SNX8: variants seen among roughly 807,000 people sequenced by gnomAD.
SNX8 encodes sorting nexin 8, also known as sorting nexin-8.
SNX8 carries 25 observed loss-of-function variants against 51.6 expected under a neutral mutation model. The observed-to-expected ratio is 0.48, with a 90% CI of 0.35 to 0.68. SNX8 has a LOEUF of 0.68. Ranked by LOEUF, SNX8 falls within the 30% of genes least tolerant of loss-of-function variation. The pLI is 0.00. For synonymous variants in SNX8, 324 were observed against 277.0 expected (o/e 1.17, Z -1.68); for missense variants, 695 against 624.0 (o/e 1.11, Z -1.21).
At chr7:2,262,260 G>A (rs905280720) in intron 7 of SNX8, among the ~76,000 whole-genome samples, 8 of 152,114 alleles carry the variant, frequency 5.3e-5, no homozygotes, top group African/African-American at 1.9e-4. Flanking sequence ...GGGTGGTCCT[G>A]AACTCCTGGG....
chr7:2,325,040 C>G (rs1778598952), intron 1 of SNX8, among the ~76,000 whole-genome samples: 1 of 152,178 alleles, frequency 6.6e-6, no homozygotes, highest in Admixed American at 6.6e-5. Flanking sequence ...CACTGTATTG[C>G]CCAGGCCAGT....
At chr7:2,347,027 C>T (rs1044360497) in intron 1 of SNX8, among the ~76,000 whole-genome samples, 5 of 151,804 alleles carry the variant, frequency 3.3e-5, no homozygotes, top group African/African-American at 1.2e-4. Context: ...CATCATAGGG[C>T]AGAAAGTCAA....
At chr7:2,340,753 A>G (rs1357961295) in intron 1 of SNX8, among the ~76,000 whole-genome samples, 1 of 141,196 alleles carries the variant, frequency 7.1e-6, no homozygotes, top group East Asian at 2.3e-4. Flanking sequence ...GCTACTCAGG[A>G]GGCTGTAGCA....
At chr7:2,296,774 AC>A (rs1346613731) in intron 1 of SNX8, among the ~76,000 whole-genome samples, 1 of 151,714 alleles carries the variant, frequency 6.6e-6, no homozygotes, top group Non-Finnish European at 1.5e-5. Context: ...CTACAAAAAT[AC>A]AAAAATTAGC....
intron 1 of SNX8, among the ~76,000 whole-genome samples, chr7:2,334,272 G>A (rs572622068): frequency 6.6e-5 from 10 of 152,122 alleles, no homozygotes; most frequent in East Asian, 1.9e-4. Flanking sequence ...GCGTGGTGGC[G>A]GGCACCTGTA....
At chr7:2,304,310 C>T (rs6971054) in intron 1 of SNX8, among the ~76,000 whole-genome samples, 6 of 151,988 alleles carry the variant, frequency 3.9e-5, no homozygotes, top group Admixed American at 1.3e-4. Context: ...TTTGGGAGGC[C>T]AAGGTGGGCA....
intron 1 of SNX8, among the ~76,000 whole-genome samples, chr7:2,303,533 G>C (rs1279832796): frequency 6.6e-6 from 1 of 152,250 alleles, no homozygotes; most frequent in Non-Finnish European, 1.5e-5. Flanking sequence ...GTGGGGAAAA[G>C]ATTGAGAAAT....
At chr7:2,335,116 A>G (rs1778802878) in intron 1 of SNX8, among the ~76,000 whole-genome samples, 1 of 151,306 alleles carries the variant, frequency 6.6e-6, no homozygotes, top group African/African-American at 2.4e-5. Context: ...TAACCATTTG[A>G]ACCCTGAAGG....
At chr7:2,320,287 G>A (rs1385809966) in intron 1 of SNX8, among the ~76,000 whole-genome samples, 3 of 152,008 alleles carry the variant, frequency 2.0e-5, no homozygotes, top group South Asian at 2.1e-4. Flanking sequence ...CCTGGGAGGC[G>A]GAGGTTGTGG....
intron 1 of SNX8, among the ~76,000 whole-genome samples, chr7:2,329,994 C>T (rs949766205): frequency 2.3e-5 from 3 of 129,708 alleles, no homozygotes; most frequent in African/African-American, 8.6e-5. Context: ...GCCACCACGG[C>T]TAATTTTTGT....
upstream of SNX8, among the ~76,000 whole-genome samples, chr7:2,318,335 G>A (rs548145345): frequency 3.3e-5 from 5 of 151,798 alleles, no homozygotes; most frequent in African/African-American, 1.2e-4. Flanking sequence ...CAGATCACCT[G>A]AGGTCAGGAG....
chr7:2,264,232 G>C (rs1795407158), intron 6 of SNX8, 66 bp downstream of exon 6: 1 of 1,486,834 alleles, frequency 6.7e-7, no homozygotes, highest in Admixed American at 1.8e-5. Context: ...TTCCGCCCAA[G>C]CCCTTCACCA....
intron 1 of SNX8, among the ~76,000 whole-genome samples, chr7:2,304,379 C>G (rs1796497634): frequency 7.3e-6 from 1 of 137,386 alleles, no homozygotes; most frequent in Admixed American, 7.3e-5. Flanking sequence ...CCCATCTCCA[C>G]TAAAAATACA....
At chr7:2,257,633 G>A in intron 8 of SNX8, 102 bp downstream of exon 8, 1 of 1,559,622 alleles carries the variant, frequency 6.4e-7, no homozygotes, top group Non-Finnish European at 8.8e-7. Flanking sequence ...TGCAGCCCTG[G>A]CTTCTCAGCT....
chr7:2,301,127 T>C (rs1796381024), intron 1 of SNX8, among the ~76,000 whole-genome samples: 2 of 152,216 alleles, frequency 1.3e-5, no homozygotes, highest in African/African-American at 4.8e-5. Flanking sequence ...TCTAGGGTGT[T>C]ATTTATGAGA....
chr7:2,346,457 A>T (rs1343488704), intron 1 of SNX8, among the ~76,000 whole-genome samples: 2 of 151,146 alleles, frequency 1.3e-5, no homozygotes, highest in Non-Finnish European at 2.9e-5. Context: ...GAAAAAAAAA[A>T]GGTGAGGCAG....
chr7:2,317,722 C>A (rs922281613), upstream of SNX8, among the ~76,000 whole-genome samples: 1 of 152,080 alleles, frequency 6.6e-6, no homozygotes, highest in Non-Finnish European at 1.5e-5. Flanking sequence ...GACCCTGCCT[C>A]GGTAACAGAT....
rs1391049873 is a variant in SNX8, at chr7:2,327,375, G to A, written c.-66+26847C>T. The stretch of plus-strand genomic sequence containing the variant: ...CTGCCTAAGCCTCCCAAGTAGCTGG[G>A]ACTACAGGCGCCCACCACCATGCCT... On this transcript the variant is annotated intron_variant, in intron 1 of 5. Coordinates refer to the SNX8 transcript ENST00000435336. Among the ~76,000 whole-genome samples, 4 of 151,710 alleles carry A rather than the reference G, an allele frequency of 2.6e-5. No individual in the cohort carries two copies. In the East Asian group the frequency reaches 7.7e-4, roughly 29 times the overall value.
intron 10 of SNX8, 57 bp downstream of exon 10, chr7:2,256,817 G>A (rs906460907): frequency 6.4e-7 from 1 of 1,561,130 alleles, no homozygotes; most frequent in African/African-American, 1.4e-5. Context: ...TGAAGGAAGG[G>A]CGGAGGGACA....
Sources: gnomAD v4.1 joint callset for allele counts (sites outside exome capture counted in the v4.1 genomes callset) on GRCh38, gnomAD v4.1.1 for gene constraint, MANE v1.5 for transcripts, NCBI Gene and HGNC (gene_info 2026-07-23, HGNC 2026-07-21) for gene names.